The following CDK5 variants were observed in gnomAD, a reference collection of about 807,000 sequenced individuals.
CDK5 encodes cyclin dependent kinase 5.
Under a neutral mutation model 44.6 loss-of-function variants are expected in CDK5, and 18 were observed. The observed-to-expected ratio is 0.40, with a 90% CI of 0.28 to 0.60. CDK5 has a LOEUF of 0.60. Ranked by LOEUF, CDK5 falls within the 20% of genes least tolerant of loss-of-function variation. CDK5 has a pLI of 0.38. For synonymous variants in CDK5, 143 were observed against 152.8 expected (o/e 0.94, Z 0.47); for missense variants, 198 against 368.1 (o/e 0.54, Z 3.78).
rs766272981 is a variant in CDK5 at position 151,054,357 on chromosome 7, G to C, written c.711+48C>G. ...AGGGGGATGGAGGCGCTAGGAATGT[G>C]AAACGAGTGACCCTGATGAACCATG... On this transcript the variant is annotated intron_variant, in intron 10 of 11. Coordinates refer to ENST00000485972, the MANE Select transcript of CDK5 (RefSeq NM_004935.4). The surrounding 1 kb of genome is among the most constrained non-coding windows in gnomAD (Gnocchi z 5.7). 6.2e-7 allele frequency: 1 copy of C among 1,612,414 alleles called. No individual in the cohort carries two copies. The highest frequency in any genetic ancestry group is 8.5e-7 in the Non-Finnish European group (1 of 1,178,606).
chr7:151,054,051 C>A lies in CDK5; in HGVS notation c.837G>T (p.Glu279Asp). Residue 279 changes from glutamate to aspartate, a missense_variant, in exon 12 of 12, where the codon GAG becomes GAT. This residue lies in a region of CDK5 where 81 missense variants were observed against 102.1 expected (regional missense o/e 0.79). Transcript: ENST00000485972. The surrounding 1 kb of genome is among the most constrained non-coding windows in gnomAD (Gnocchi z 5.7). ...CNPVQRISAE[E>D]ALQHPYFSDF... Reference sequence around the variant, plus strand: ...CGGAGAAGTAGGGGTGCTGCAGGGCCTCTTCTGCTGAGATACGCTGGACAG... The same window carrying A: ...CGGAGAAGTAGGGGTGCTGCAGGGCATCTTCTGCTGAGATACGCTGGACAG... The A allele has an allele frequency of 6.2e-7, 1 of 1,602,182 alleles. No individual in the cohort carries two copies. The highest frequency in any genetic ancestry group is 8.5e-7 in the Non-Finnish European group (1 of 1,174,616).
At position 151,056,085 on chromosome 7, in the gene CDK5, A is replaced by G. The variant is rs1029335917; in HGVS notation, c.313-237T>C. Reference sequence around the variant, plus strand: ...CCCACCTTCCTGGACCATACAGCCTAATGGGCCTTGGCAGGTGGATCCTAG... The same window carrying G: ...CCCACCTTCCTGGACCATACAGCCTGATGGGCCTTGGCAGGTGGATCCTAG... On this transcript the variant is annotated intron_variant, in intron 5 of 11. Coordinates refer to ENST00000485972, the MANE Select transcript of CDK5 (RefSeq NM_004935.4). This position sits in a 1 kb window ranked among gnomAD's most constrained non-coding sequence, Gnocchi z 4.7. 2 of 567,266 alleles carry G rather than the reference A, an allele frequency of 3.5e-6. No individual in the cohort carries two copies. Among genetic ancestry groups the G allele is most frequent in the African/African-American group, 3.7e-5 (2 of 53,416 alleles). 35.1% of individuals were successfully genotyped at this position (567,266 alleles called of 1,614,324 possible).
chr7:151,056,843 T>C lies in CDK5; in HGVS notation c.195-47A>G. ...GCCAGGCAGGTCCGCCTGACAGACG[T>C]CCAGTGTCAGCCCCCGCCTCCCCCA... On this transcript the variant is annotated intron_variant, in intron 3 of 11. Coordinates refer to ENST00000485972, the MANE Select transcript of CDK5 (RefSeq NM_004935.4). This position sits in a 1 kb window ranked among gnomAD's most constrained non-coding sequence, Gnocchi z 4.7. 3 of 1,596,610 alleles carry C rather than the reference T, an allele frequency of 1.9e-6. No homozygotes were observed. The highest frequency in any genetic ancestry group is 2.6e-6 in the Non-Finnish European group (3 of 1,171,692).
At position 151,056,493 on chromosome 7, in the gene CDK5, G is replaced by A. The variant is rs1469394125; in HGVS notation, c.312+87C>T. The A allele has an allele frequency of 8.3e-7, 1 of 1,198,864 alleles. No individual in the cohort carries two copies. Among genetic ancestry groups the A allele is most frequent in the African/African-American group, 1.5e-5 (1 of 66,514 alleles). The allele number at this position is 1,198,864 out of a possible 1,614,324, so 74.3% of individuals were successfully genotyped here. On this transcript the variant is annotated intron_variant, in intron 5 of 11. Transcript: ENST00000485972. The surrounding 1 kb of genome is among the most constrained non-coding windows in gnomAD (Gnocchi z 4.7). ...AACACCCTAGAGTGTCCCTGTTCAG[G>A]GCCCAAACTTAGAGCCCAAGGGGTG...
Position 151,057,029 on chromosome 7 carries a change from C to T in CDK5, c.126+43G>A. On this transcript the variant is annotated intron_variant, in intron 2 of 11. Transcript: ENST00000485972. The surrounding 1 kb of genome is among the most constrained non-coding windows in gnomAD (Gnocchi z 5.2). Reference sequence around the variant, plus strand: ...CAGTCAGATCCCACCCAGCCCAGGCCCTCAAACCCCTCCCCAGGCCGTATC... The same window carrying T: ...CAGTCAGATCCCACCCAGCCCAGGCTCTCAAACCCCTCCCCAGGCCGTATC... The T allele has an allele frequency of 6.2e-7, 1 of 1,613,220 alleles. No individual in the cohort carries two copies. Among genetic ancestry groups the T allele is most frequent in the Non-Finnish European group, 8.5e-7 (1 of 1,179,224 alleles).
rs996650350 is a variant in CDK5 at position 151,056,084 on chromosome 7, TA to T, written c.313-237del. 5.5e-5 allele frequency: 31 copies of T among 568,144 alleles called. No individual in the cohort carries two copies. Among genetic ancestry groups the T allele is most frequent in the African/African-American group, 4.9e-4 (26 of 53,494 alleles). The allele number at this position is 568,144 out of a possible 1,614,324, so 35.2% of individuals were successfully genotyped here. A position where few individuals can be genotyped will look rare whatever the true frequency, so the allele number is the denominator to read the frequency against. On this transcript the variant is annotated intron_variant, in intron 5 of 11. Transcript: ENST00000485972. This position sits in a 1 kb window ranked among gnomAD's most constrained non-coding sequence, Gnocchi z 4.7. The stretch of plus-strand genomic sequence containing the variant: ...CCCCACCTTCCTGGACCATACAGCC[TA>T]ATGGGCCTTGGCAGGTGGATCCTAG...
rs370113778 is a variant in CDK5, at chr7:151,055,768, G to A, written c.393C>T (p.Asn131=). The A allele has an allele frequency of 1.3e-5, 21 of 1,611,578 alleles. 1 individual carries two copies. The Middle Eastern group carries it at 8.3e-4, about 63-fold the overall frequency. The change falls in exon 6 of 12, where the codon AAC becomes AAT. Residue 131 remains asparagine, a synonymous_variant. Transcript: ENST00000485972. ...CAAGAAGTACCCTGTTTATTAGCAG[G>A]TTCTGGGGCTTCAGGTCCCTGTGTA... ...NVLHRDLKPQ[N]LLINRNGELK...
At position 151,053,901 on chromosome 7, in the gene CDK5, C is replaced by G; in HGVS notation, c.*108G>C. On this transcript the variant is annotated 3_prime_UTR_variant, in exon 12 of 12. Coordinates refer to ENST00000485972, the MANE Select transcript of CDK5 (RefSeq NM_004935.4). The stretch of plus-strand genomic sequence containing the variant: ...GCTCAGGCACCCCACCCCGGCTGGG[C>G]CCAGCACTGCTGGAGCACAGCGCAC... 1 of 953,388 alleles carries G rather than the reference C, an allele frequency of 1.0e-6. No individual in the cohort carries two copies. The highest frequency in any genetic ancestry group is 1.6e-6 in the Non-Finnish European group (1 of 637,838). 59.1% of individuals were successfully genotyped at this position (953,388 alleles called of 1,614,324 possible). A position where few individuals can be genotyped will look rare whatever the true frequency, so the allele number is the denominator to read the frequency against.
chr7:151,056,838 A>G lies in CDK5; in HGVS notation c.195-42T>C, dbSNP rs1262535010. The G allele has an allele frequency of 6.3e-7, 1 of 1,599,132 alleles. No individual in the cohort carries two copies. Among genetic ancestry groups the G allele is most frequent in the Admixed American group, 1.7e-5 (1 of 57,156 alleles). On this transcript the variant is annotated intron_variant, in intron 3 of 11. Coordinates refer to ENST00000485972, the MANE Select transcript of CDK5 (RefSeq NM_004935.4). The surrounding 1 kb of genome is among the most constrained non-coding windows in gnomAD (Gnocchi z 4.7). ...GCTCAGCCAGGCAGGTCCGCCTGACAGACGTCCAGTGTCAGCCCCCGCCTC... is the reference window on the plus strand; with the variant it reads ...GCTCAGCCAGGCAGGTCCGCCTGACGGACGTCCAGTGTCAGCCCCCGCCTC...
At position 151,056,853 on chromosome 7, in the gene CDK5, GC is replaced by G; in HGVS notation, c.194+54del. 6.3e-7 allele frequency: 1 copy of G among 1,592,960 alleles called. No individual in the cohort carries two copies. Among genetic ancestry groups the G allele is most frequent in the Non-Finnish European group, 8.5e-7 (1 of 1,169,878 alleles). ...TCCGCCTGACAGACGTCCAGTGTCA[GC>G]CCCCGCCTCCCCCAAGCGGCCACAC... On this transcript the variant is annotated intron_variant, in intron 3 of 11. Transcript: ENST00000485972. This position sits in a 1 kb window ranked among gnomAD's most constrained non-coding sequence, Gnocchi z 4.7.
At position 151,055,391 on chromosome 7, in the gene CDK5, C is replaced by CG; in HGVS notation, c.484-19dup. ...GTGACCACCTGGAGGAGACCCCCCC[C>CG]GAAAGGGACCTCCCACTTAGAGGAC... On this transcript the variant is annotated intron_variant, in intron 7 of 11. Transcript: ENST00000485972. The CG allele has an allele frequency of 6.3e-7, 1 of 1,596,546 alleles. No homozygotes were observed. Among genetic ancestry groups the CG allele is most frequent in the Non-Finnish European group, 8.6e-7 (1 of 1,164,108 alleles).
At position 151,054,933 on chromosome 7, in the gene CDK5, C is replaced by A; in HGVS notation, c.650+94G>T. ...GAGAAGCCCTACAGACCCCATCACC[C>A]TACCCCACACCATCACTGCCCTCAC... is the stretch of plus-strand genomic sequence containing the variant. On this transcript the variant is annotated intron_variant, in intron 9 of 11. Transcript: ENST00000485972. This position sits in a 1 kb window ranked among gnomAD's most constrained non-coding sequence, Gnocchi z 5.7. The A allele has an allele frequency of 7.9e-7, 1 of 1,271,456 alleles. No homozygotes were observed. Among genetic ancestry groups the A allele is most frequent in the Non-Finnish European group, 1.1e-6 (1 of 881,134 alleles). 78.8% of individuals were successfully genotyped at this position (1,271,456 alleles called of 1,614,324 possible). A position where few individuals can be genotyped will look rare whatever the true frequency, so the allele number is the denominator to read the frequency against.
At position 151,057,358 on chromosome 7, in the gene CDK5, C is replaced by T. The variant is rs2069448; in HGVS notation, c.38-198G>A. 1,569 of 623,556 alleles carry T rather than the reference C, an allele frequency of 2.5e-3. 19 individuals are homozygous for T. Among genetic ancestry groups the T allele is most frequent in the African/African-American group, 0.02 (1,098 of 54,704 alleles). The allele number at this position is 623,556 out of a possible 1,614,324, so 38.6% of individuals were successfully genotyped here. A position where few individuals can be genotyped will look rare whatever the true frequency, so the allele number is the denominator to read the frequency against. ...AAGGTGCCCACCGAGGCTCCAGGGG[C>T]TCGGCAGGAGGGGCGAGTGCGGTTG... On this transcript the variant is annotated intron_variant, in intron 1 of 11. Transcript: ENST00000485972. This position sits in a 1 kb window ranked among gnomAD's most constrained non-coding sequence, Gnocchi z 5.2.
chr7:151,057,730 G>A lies in CDK5; in HGVS notation c.37+82C>T, dbSNP rs1796928909. 2.0e-6 allele frequency: 3 copies of A among 1,469,266 alleles called. No individual in the cohort carries two copies. The highest frequency in any genetic ancestry group is 2.8e-6 in the Non-Finnish European group (3 of 1,067,748). The allele number at this position is 1,469,266 out of a possible 1,614,324, so 91.0% of individuals were successfully genotyped here. A position where few individuals can be genotyped will look rare whatever the true frequency, so the allele number is the denominator to read the frequency against. On this transcript the variant is annotated intron_variant, in intron 1 of 11. Coordinates refer to ENST00000485972, the MANE Select transcript of CDK5 (RefSeq NM_004935.4). The surrounding 1 kb of genome is among the most constrained non-coding windows in gnomAD (Gnocchi z 5.2). ...GAGATCGGAGCCTGTAGGCATTGCT[G>A]ACGGTAAGGGAGCCAGGGCTTCAAG...
chr7:151,056,615 T>C lies in CDK5; in HGVS notation c.277A>G (p.Ser93Gly). 1 of 1,612,380 alleles carries C rather than the reference T, an allele frequency of 6.2e-7. No homozygotes were observed. The highest frequency in any genetic ancestry group is 2.2e-5 in the East Asian group (1 of 44,882). ...TCAGGATCGAGGTCACCATTGCAACTGTCAAAATACTTCTTCAGGTCCTGA... is the reference window on the plus strand; with the variant it reads ...TCAGGATCGAGGTCACCATTGCAACCGTCAAAATACTTCTTCAGGTCCTGA... ...CDQDLKKYFD[S>G]CNGDLDPEIV... Residue 93 changes from serine (S) to glycine (G), a missense_variant, in exon 5 of 12, where the codon AGT becomes GGT. Transcript: ENST00000485972. The surrounding 1 kb of genome is among the most constrained non-coding windows in gnomAD (Gnocchi z 4.7).
chr7:151,055,708 C>G, intron 6 of CDK5, 45 bp downstream of exon 6: 2 of 1,554,216 alleles, frequency 1.3e-6, no homozygotes, highest in Non-Finnish European at 1.8e-6. Flanking sequence ...CTCCCCGTGC[C>G]CTGGCCCCAG....
rs768156497 is a variant in CDK5 at position 151,056,844 on chromosome 7, CCAGT to C, written c.195-52_195-49del. ...CCAGGCAGGTCCGCCTGACAGACGT[CCAGT>C]GTCAGCCCCCGCCTCCCCCAAGCGG... On this transcript the variant is annotated intron_variant, in intron 3 of 11. Transcript: ENST00000485972. The surrounding 1 kb of genome is among the most constrained non-coding windows in gnomAD (Gnocchi z 4.7). 1.3e-6 allele frequency: 2 copies of C among 1,595,752 alleles called. No homozygotes were observed. The highest frequency in any genetic ancestry group is 2.2e-5 in the South Asian group (2 of 89,140).
Position 151,057,186 on chromosome 7 carries a change from G to A in CDK5, c.38-26C>T. The A allele has an allele frequency of 1.9e-6, 3 of 1,569,270 alleles. No homozygotes were observed. The highest frequency in any genetic ancestry group is 1.1e-5 in the South Asian group (1 of 90,186). On this transcript the variant is annotated intron_variant, in intron 1 of 11. Transcript: ENST00000485972. The surrounding 1 kb of genome is among the most constrained non-coding windows in gnomAD (Gnocchi z 5.2). Reference sequence around the variant, plus strand: ...CTAGGGGAAGGAGGTCAGGGGTCAGGGTGAGGATGCGGCACTCTTCCCTAA... The same window carrying A: ...CTAGGGGAAGGAGGTCAGGGGTCAGAGTGAGGATGCGGCACTCTTCCCTAA...
In CDK5 at chr7:151,056,651, G is replaced by C. The variant is rs773706186; in HGVS notation, c.256-15C>G. On this transcript the variant is annotated splice_polypyrimidine_tract_variant and intron_variant, in intron 4 of 11. Coordinates refer to ENST00000485972, the MANE Select transcript of CDK5 (RefSeq NM_004935.4). The surrounding 1 kb of genome is among the most constrained non-coding windows in gnomAD (Gnocchi z 4.7). ...TTCTTCAGGTCCTGAAAAGGGATATGAGTGGGGGAATGGGACAGAGTTTAA... is the reference window on the plus strand; with the variant it reads ...TTCTTCAGGTCCTGAAAAGGGATATCAGTGGGGGAATGGGACAGAGTTTAA... The C allele has an allele frequency of 1.9e-6, 3 of 1,612,090 alleles. No homozygotes were observed. The highest frequency in any genetic ancestry group is 1.7e-6 in the Non-Finnish European group (2 of 1,179,014).
Sources: gnomAD v4.1 joint callset for allele counts on GRCh38, gnomAD v4.1.1 for gene constraint, gnomAD v4.1.1 regional missense constraint, Gnocchi (gnomAD v3.1) non-coding constraint, MANE v1.5 for transcripts, NCBI Gene and HGNC (gene_info 2026-07-23, HGNC 2026-07-21) for gene names.